The following ERICH2 variants were observed in gnomAD, a reference collection of about 807,000 sequenced individuals.
ERICH2 encodes the protein glutamate-rich protein 2.
Under a neutral mutation model 17.4 loss-of-function variants are expected in ERICH2, and 17 were observed. The ratio of observed to expected loss-of-function variants is 0.98; its 90% CI spans 0.67 to 1.47. The LOEUF is 1.47. Ranked by LOEUF, ERICH2 falls within the 40% of genes most tolerant of loss-of-function variation. ERICH2 has a pLI of 0.00. For synonymous variants in ERICH2, 51 were observed against 61.1 expected, an observed-to-expected ratio of 0.83 and a Z score of 0.77; for missense variants, 186 against 183.2, an observed-to-expected ratio of 1.01 and a Z score of -0.09.
At chr2:170,785,612 G>C (rs1405353279) in intron 2 of ERICH2, among the ~76,000 whole-genome samples, 1 of 152,088 alleles carries the variant, frequency 6.6e-6, no homozygotes, top group Admixed American at 6.6e-5. Context: ...AGTTTTCTGG[G>C]AACAGGGAGG....
the ERICH2 span, chr2:170,777,934 G>A: frequency 2.8e-6 from 1 of 360,546 alleles, no homozygotes; most frequent in Non-Finnish European, 4.9e-6. Context: ...TAAACACCCT[G>A]TATTCTGTAT....
At chr2:170,789,940 T>C (rs1423141467) in intron 2 of ERICH2, among the ~76,000 whole-genome samples, 1 of 151,242 alleles carries the variant, frequency 6.6e-6, no homozygotes, top group African/African-American at 2.4e-5. Context: ...AAAGAGTGTG[T>C]GGTGATACTG....
In ERICH2 at chr2:170,798,129, A is replaced by T. The variant is rs1482790294; in HGVS notation, c.346+17A>T. The T allele has an allele frequency of 6.7e-7, 1 of 1,484,086 alleles. No individual in the cohort carries two copies. Among genetic ancestry groups the T allele is most frequent in the African/African-American group, 1.4e-5 (1 of 71,680 alleles). The allele number at this position is 1,484,086 out of a possible 1,614,324, so 91.9% of individuals were successfully genotyped here. On this transcript the variant is annotated intron_variant, in intron 4 of 4. Coordinates refer to ENST00000409885, the Ensembl canonical transcript of ERICH2. ...TGCTGATGGGTAATTTTAAAAATTG[A>T]AATTCCTTGTTTCTCATAGAACTAT...
chr2:170,798,654 C>A, intron 4 of ERICH2, 116 bp from the exon 10 acceptor site: 1 of 1,290,686 alleles, frequency 7.7e-7, no homozygotes, highest in East Asian at 2.5e-5. Context: ...AAGTCCAACT[C>A]AGTTCTTATG....
upstream of ERICH2, among the ~76,000 whole-genome samples, chr2:170,780,180 C>T (rs1700995712): frequency 6.6e-6 from 1 of 152,092 alleles, no homozygotes; most frequent in Non-Finnish European, 1.5e-5. Flanking sequence ...AATTTTAAAT[C>T]TTTCCTCAGT....
chr2:170,780,154 T>G (rs1270050325), upstream of ERICH2, among the ~76,000 whole-genome samples: 1 of 148,734 alleles, frequency 6.7e-6, no homozygotes, highest in Non-Finnish European at 1.5e-5. Flanking sequence ...CCAAAGAATA[T>G]TATTGCATAA....
At chr2:170,783,805 G>T in exon 1 of ERICH2, 2 of 1,550,388 alleles carry the variant, frequency 1.3e-6, no homozygotes, top group Non-Finnish European at 1.7e-6. Context: ...TACAGGCTAG[G>T]TGCACACTGG....
intron 2 of ERICH2, 44 bp from the exon 8 acceptor site, chr2:170,792,819 A>G: frequency 7.9e-7 from 1 of 1,271,656 alleles, no homozygotes; most frequent in South Asian, 1.6e-5. Context: ...TTTAGAGTTG[A>G]CAACATTTAA....
chr2:170,775,471 TACATC>T, the ERICH2 span, among the ~76,000 whole-genome samples: 1 of 152,092 alleles, frequency 6.6e-6, no homozygotes, highest in African/African-American at 2.4e-5. Flanking sequence ...TGTGATGCTG[TACATC>T]ACATTTATAT....
the ERICH2 span, among the ~76,000 whole-genome samples, chr2:170,770,437 C>A: frequency 1.8e-4 from 27 of 152,268 alleles, no homozygotes; most frequent in East Asian, 5.0e-3. Flanking sequence ...TGGGGGAGAG[C>A]CGGGTCTCTG....
chr2:170,782,434 T>C, upstream of ERICH2: 1 of 929,286 alleles, frequency 1.1e-6, no homozygotes, highest in African/African-American at 1.8e-5. Flanking sequence ...TGGCTTCTAA[T>C]TGAACCCTCC....
chr2:170,780,551 A>G (rs1701002540), upstream of ERICH2, among the ~76,000 whole-genome samples: 1 of 152,200 alleles, frequency 6.6e-6, no homozygotes, highest in African/African-American at 2.4e-5. Flanking sequence ...AGGCATTTCC[A>G]GTTATTCAAA....
At chr2:170,781,249 A>C (rs1701020465), upstream of ERICH2, among the ~76,000 whole-genome samples, 3 of 152,184 alleles carry the variant, frequency 2.0e-5, no homozygotes, top group African/African-American at 7.2e-5. Context: ...ATAATACTTT[A>C]CATCTTTTTA....
At chr2:170,794,799 C>T (rs1187129513) in intron 3 of ERICH2, among the ~76,000 whole-genome samples, 1 of 152,224 alleles carries the variant, frequency 6.6e-6, no homozygotes, top group African/African-American at 2.4e-5. Context: ...CCCTGGCTTG[C>T]CTCACAAGAG....
At chr2:170,778,350 G>T in the ERICH2 span, among the ~76,000 whole-genome samples, 1 of 152,068 alleles carries the variant, frequency 6.6e-6, no homozygotes, top group African/African-American at 2.4e-5. Context: ...CATTTGTGGG[G>T]ATTACTGACA....
chr2:170,794,676 A>T (rs1407070507), intron 3 of ERICH2, among the ~76,000 whole-genome samples: 2 of 152,220 alleles, frequency 1.3e-5, no homozygotes, highest in East Asian at 3.8e-4. Flanking sequence ...GCAACTCTAC[A>T]ATTAAACTTG....
intron 3 of ERICH2, among the ~76,000 whole-genome samples, chr2:170,796,440 G>GTTTTTTTTTTTTTTTTT (rs370083171): frequency 3.6e-5 from 3 of 83,452 alleles, no homozygotes; most frequent in Non-Finnish European, 7.6e-5. Flanking sequence ...TTTTTTTTTT[G>GTTTTTTTTTTTTTTTTT]TTTTTTTTTT....
upstream of ERICH2, chr2:170,783,655 C>G (rs1701080512): frequency 1.3e-6 from 1 of 764,308 alleles, no homozygotes; most frequent in Non-Finnish European, 2.1e-6. Context: ...GAGAGGACTG[C>G]TTTAGATCTA....
intron 2 of ERICH2, among the ~76,000 whole-genome samples, chr2:170,789,950 G>C (rs1701247132): frequency 6.6e-6 from 1 of 150,598 alleles, no homozygotes; most frequent in Admixed American, 6.6e-5. Flanking sequence ...TGGTGATACT[G>C]GTGGAACCCA....
Sources: allele counts gnomAD v4.1 joint callset (sites outside exome capture counted in the v4.1 genomes callset), GRCh38; gene constraint gnomAD v4.1.1; transcripts MANE v1.5; gene names NCBI Gene and HGNC (gene_info 2026-07-23, HGNC 2026-07-21).